The following MYO1B variants were observed in gnomAD, a reference collection of about 807,000 sequenced individuals.
MYO1B encodes the protein unconventional myosin-Ib.
A neutral mutation model predicts 159.7 loss-of-function variants in MYO1B; 72 were observed. The observed-to-expected ratio is 0.45, with a 90% CI of 0.37 to 0.55. MYO1B has a LOEUF of 0.55. MYO1B is among the 20% of genes least tolerant of loss of function. The probability of loss-of-function intolerance (pLI) is 0.00; values close to 1 mark genes in which losing one functional copy is unlikely to be tolerated. For missense variants in MYO1B, 1,062 were observed against 1,364.8 expected (o/e 0.78, Z 3.50); for synonymous variants, 468 against 473.8 (o/e 0.99, Z 0.16).
chr2:191,423,796 G>A, intron 30 of MYO1B, 41 bp from the exon 31 acceptor site: 1 of 1,589,168 alleles, frequency 6.3e-7, no homozygotes, highest in South Asian at 1.2e-5. Context: ...ATCATGAGCT[G>A]TTTTGTGTAT....
In MYO1B at chr2:191,302,074, C is replaced by T. The variant is rs115159103; in HGVS notation, c.251+5848C>T. ...AGCCATTCATGTCTTTTCCTTTCTA[C>T]GTCTCATACCCTGTACCTTATCTCC... On this transcript the variant is annotated intron_variant, in intron 3 of 30. Transcript: ENST00000392318. 5.1e-3 allele frequency among the ~76,000 whole-genome samples: 778 copies of T among 152,292 alleles called. 6 individuals carry two copies. The highest frequency in any genetic ancestry group is 0.019 in the South Asian group (94 of 4,822).
At chr2:191,285,536 G>A (rs930642164) in intron 2 of MYO1B, among the ~76,000 whole-genome samples, 6 of 152,164 alleles carry the variant, frequency 3.9e-5, no homozygotes, top group Admixed American at 3.9e-4. Context: ...AAAAAGATGA[G>A]CAAGGCTAGA....
intron 1 of MYO1B, among the ~76,000 whole-genome samples, chr2:191,250,768 G>A (rs1686062114): frequency 6.6e-6 from 1 of 152,182 alleles, no homozygotes; most frequent in Non-Finnish European, 1.5e-5. Flanking sequence ...CAGAGGTCAA[G>A]CCTCAAAGAC....
intron 1 of MYO1B, among the ~76,000 whole-genome samples, chr2:191,274,871 G>A (rs1336200264): frequency 6.6e-6 from 1 of 151,904 alleles, no homozygotes; most frequent in African/African-American, 2.4e-5. Flanking sequence ...TTGGGCCGAC[G>A]TTGTTGAGTT....
intron 2 of MYO1B, 58 bp from the exon 3 acceptor site, chr2:191,296,053 A>G (rs911262154): frequency 1.1e-6 from 1 of 944,038 alleles, no homozygotes; most frequent in South Asian, 1.9e-5. Context: ...AAAGCTTAAG[A>G]CGTTAAAATA....
chr2:191,303,185 GT>G (rs201643544), intron 3 of MYO1B, among the ~76,000 whole-genome samples: 3 of 150,330 alleles, frequency 2.0e-5, no homozygotes, highest in South Asian at 4.2e-4. Context: ...TATGTAGTCA[GT>G]TTTTTTTTTC....
chr2:191,270,271 C>T (rs1470962), intron 1 of MYO1B, among the ~76,000 whole-genome samples: 82,803 of 152,006 alleles, frequency 0.54, 22,975 homozygotes, highest in East Asian at 0.66. Flanking sequence ...GGATTTAGAC[C>T]GAAGCATAAG....
intron 24 of MYO1B, chr2:191,407,675 G>C (rs1017845016): frequency 4.6e-5 from 7 of 152,334 alleles, no homozygotes; most frequent in African/African-American, 1.7e-4. Context: ...GCCATATTCA[G>C]TTCTCAGTGT....
intron 14 of MYO1B, among the ~76,000 whole-genome samples, chr2:191,382,405 T>C (rs1012096042): frequency 2.5e-4 from 38 of 152,210 alleles, no homozygotes; most frequent in African/African-American, 8.9e-4. Flanking sequence ...CATAAATATT[T>C]CATCTTTATT....
intron 13 of MYO1B, among the ~76,000 whole-genome samples, chr2:191,374,423 A>G (rs1694568115): frequency 6.6e-6 from 1 of 152,184 alleles, no homozygotes; most frequent in African/African-American, 2.4e-5. Flanking sequence ...AAAACTGGAC[A>G]CTAAAGGGCG....
chr2:191,284,501 G>C (rs973888209), intron 2 of MYO1B, among the ~76,000 whole-genome samples: 1 of 152,180 alleles, frequency 6.6e-6, no homozygotes, highest in Non-Finnish European at 1.5e-5. Flanking sequence ...ATCTTGTTGA[G>C]TTGTGGTGGG....
In MYO1B at chr2:191,266,137, G is replaced by A. The variant is rs537734046; in HGVS notation, c.-9-10750G>A. Among the ~76,000 whole-genome samples the A allele has an allele frequency of 2.6e-5, 4 of 152,308 alleles. No homozygotes were observed. The East Asian group carries it at 7.7e-4, about 29-fold the overall frequency. On this transcript the variant is annotated intron_variant, in intron 1 of 30. Transcript: ENST00000392318. ...GTGTTGGCTGCATTTCCTCCTTAGG[G>A]TGTTAAACCTCATGTAAGATCAACT...
intron 4 of MYO1B, among the ~76,000 whole-genome samples, chr2:191,334,329 G>C (rs1158324972): frequency 1.3e-5 from 2 of 151,880 alleles, no homozygotes; most frequent in Admixed American, 1.3e-4. Context: ...CTTCCTCCTG[G>C]AGCCAGATTC....
chr2:191,258,389 T>C (rs1454102206), intron 1 of MYO1B, among the ~76,000 whole-genome samples: 4 of 152,230 alleles, frequency 2.6e-5, no homozygotes, highest in African/African-American at 9.6e-5. Flanking sequence ...CAGAAGTTGC[T>C]CTGGGGGAGT....
At chr2:191,390,259 A>C in intron 17 of MYO1B, 33 bp from the exon 18 acceptor site, 1 of 1,583,020 alleles carries the variant, frequency 6.3e-7, no homozygotes, top group Non-Finnish European at 8.6e-7. Context: ...CATAGGAGGC[A>C]GTTTATAACC....
In MYO1B at chr2:191,272,813, C is replaced by T. The variant is rs369292610; in HGVS notation, c.-9-4074C>T. 6.6e-5 allele frequency among the ~76,000 whole-genome samples: 10 copies of T among 152,306 alleles called. No homozygotes were observed. The East Asian group carries it at 1.3e-3, about 21-fold the overall frequency. ...AGTCCACTATTTCACTATTAAATAG[C>T]GAAGATGATCATCTTGTCAGTCCAA... On this transcript the variant is annotated intron_variant, in intron 1 of 30. Coordinates refer to ENST00000392318, the MANE Select transcript of MYO1B (RefSeq NM_001130158.3).
At chr2:191,380,405 C>T (rs1273224057) in intron 13 of MYO1B, among the ~76,000 whole-genome samples, 2 of 152,196 alleles carry the variant, frequency 1.3e-5, no homozygotes, top group Admixed American at 6.5e-5. Context: ...CCAGGACTGG[C>T]CACCATTGTG....
chr2:191,313,631 G>A (rs12988503), intron 3 of MYO1B, among the ~76,000 whole-genome samples: 53,725 of 151,188 alleles, frequency 0.36, 9,741 homozygotes, highest in Middle Eastern at 0.51. Context: ...TGATCCACCC[G>A]CCTCGGCCCC....
chr2:191,408,854 G>T (rs1697088729), intron 25 of MYO1B, among the ~76,000 whole-genome samples, 190 bp from the exon 26 acceptor site: 1 of 152,088 alleles, frequency 6.6e-6, no homozygotes, highest in Non-Finnish European at 1.5e-5. Context: ...TTAACCATTT[G>T]GTAGAACTCA....
Sources: gnomAD v4.1 joint callset for allele counts (sites outside exome capture counted in the v4.1 genomes callset) on GRCh38, gnomAD v4.1.1 for gene constraint, MANE v1.5 for transcripts, NCBI Gene and HGNC (gene_info 2026-07-23, HGNC 2026-07-21) for gene names.